Variants in MKNK2 observed in about 807,000 individuals in gnomAD.
The protein encoded by MKNK2 is MAP kinase-interacting serine/threonine-protein kinase 2.
MKNK2 carries 54 observed loss-of-function variants against 55.0 expected under a neutral mutation model. The ratio of observed to expected loss-of-function variants is 0.98; its 90% CI spans 0.79 to 1.23. The LOEUF (loss-of-function observed/expected upper bound fraction) is 1.23. Ranked by LOEUF, MKNK2 falls within the 50% of genes most tolerant of loss-of-function variation. MKNK2 has a pLI of 0.00. For synonymous variants in MKNK2, 323 were observed against 256.0 expected, an observed-to-expected ratio of 1.26 and a Z score of -2.50; for missense variants, 685 against 632.1, an observed-to-expected ratio of 1.08 and a Z score of -0.90.
At position 2,039,915 on chromosome 19, in the gene MKNK2, G is replaced by A. The variant is rs567667675; in HGVS notation, c.1155-59C>T. On this transcript the variant is annotated intron_variant, in intron 13 of 13. Coordinates refer to ENST00000250896, the MANE Select transcript of MKNK2 (RefSeq NM_199054.3). ...GAGGCACCCCTCAGGGGACCCCTGGGGTCTGTGAAGGCCCTGGGGGAAGGG... is the reference window on the plus strand; with the variant it reads ...GAGGCACCCCTCAGGGGACCCCTGGAGTCTGTGAAGGCCCTGGGGGAAGGG... 47 of 1,542,984 alleles carry A rather than the reference G, an allele frequency of 3.0e-5. No homozygotes were observed. The Admixed American group carries it at 8.0e-4, about 26-fold the overall frequency.
rs750858082 is a variant in MKNK2, at chr19:2,037,873, C to T, written c.*1740G>A. 9.7e-6 allele frequency: 15 copies of T among 1,544,644 alleles called. No homozygotes were observed. In the East Asian group the frequency reaches 3.4e-4, roughly 35 times the overall value. ...AAACAAACAAACAAACGCTGCTAGC[C>T]ACTCAGCTTTAGAGACCCGATGGCT... On this transcript the variant is annotated 3_prime_UTR_variant, in exon 14 of 14. Transcript: ENST00000250896.
chr19:2,048,028 G>T (rs536156792), intron 2 of MKNK2, among the ~76,000 whole-genome samples: 2 of 147,886 alleles, frequency 1.4e-5, no homozygotes, highest in African/African-American at 2.5e-5. Flanking sequence ...GTGCTGTACT[G>T]GTCCTGGGGG....
intron 11 of MKNK2, among the ~76,000 whole-genome samples, chr19:2,041,509 C>T (rs1035126119): frequency 2.6e-5 from 4 of 152,198 alleles, no homozygotes; most frequent in African/African-American, 9.7e-5. Context: ...CTCCACCTCT[C>T]AGCTCTCTGA....
chr19:2,038,852 G>A lies in MKNK2; in HGVS notation c.*761C>T. On this transcript the variant is annotated 3_prime_UTR_variant, in exon 14 of 14. Transcript: ENST00000250896. ...CTGCTGTCTCAGGCCTTGGTGTGGA[G>A]GGGAGGGGCAGCGGCGAGCCCCTGG... is the stretch of plus-strand genomic sequence containing the variant. 1 of 985,740 alleles carries A rather than the reference G, an allele frequency of 1.0e-6. No homozygotes were observed. Among genetic ancestry groups the A allele is most frequent in the Non-Finnish European group, 1.2e-6 (1 of 829,934 alleles). The allele number at this position is 985,740 out of a possible 1,614,324, so 61.1% of individuals were successfully genotyped here. A position where few individuals can be genotyped will look rare whatever the true frequency, so the allele number is the denominator to read the frequency against.
At position 2,041,836 on chromosome 19, in the gene MKNK2, G is replaced by C. The variant is rs1164045900; in HGVS notation, c.945+4C>G. 1.3e-6 allele frequency: 2 copies of C among 1,515,264 alleles called. No individual in the cohort carries two copies. The highest frequency in any genetic ancestry group is 8.8e-7 in the Non-Finnish European group (1 of 1,131,702). The allele number at this position is 1,515,264 out of a possible 1,614,324, so 93.9% of individuals were successfully genotyped here. A position where few individuals can be genotyped will look rare whatever the true frequency, so the allele number is the denominator to read the frequency against. On this transcript the variant is annotated splice_donor_region_variant and intron_variant, in intron 11 of 13. Transcript: ENST00000250896. Reference sequence around the variant, plus strand: ...AGGAGAGGAGGGTGCGCGGGCCGCCGCACCTGGCAGGCAGGGCAGGCCTCG... The same window carrying C: ...AGGAGAGGAGGGTGCGCGGGCCGCCCCACCTGGCAGGCAGGGCAGGCCTCG...
At chr19:2,042,146 G>A in intron 10 of MKNK2, 112 bp from the exon 11 acceptor site, 1 of 1,084,746 alleles carries the variant, frequency 9.2e-7, no homozygotes, top group Non-Finnish European at 1.3e-6. Context: ...GCCCCGCCGG[G>A]CCCGACCAAT....
chr19:2,042,111 A>C (rs1391310545), intron 10 of MKNK2, 77 bp from the exon 11 acceptor site: 1 of 1,335,880 alleles, frequency 7.5e-7, no homozygotes, highest in Non-Finnish European at 9.8e-7. Context: ...ACTGCGGGTC[A>C]CCTGCGCCAG....
chr19:2,046,399 C>T lies in MKNK2; in HGVS notation c.209G>A (p.Arg70Gln), dbSNP rs142517981. Residue 70 changes from arginine to glutamine, a missense_variant, in exon 4 of 14, where the codon CGG (arginine) becomes CAG (glutamine). Coordinates refer to ENST00000250896, the MANE Select transcript of MKNK2 (RefSeq NM_199054.3). ...KKRGKKKKRG[R>Q]ATDSFSGRFE... is the part of the protein sequence containing the mutation. ...CCTGCCCGAGAAGCTGTCGGTGGCC[C>T]GGCCGCGCTTCTTCTTCTTGCCCCT... 2.0e-5 allele frequency: 32 copies of T among 1,608,692 alleles called. No homozygotes were observed. The highest frequency in any genetic ancestry group is 8.8e-5 in the South Asian group (8 of 91,088).
chr19:2,046,276 GT>G lies in MKNK2; in HGVS notation c.248del (p.Tyr83SerfsTer22). 1.2e-6 allele frequency: 2 copies of G among 1,604,382 alleles called. No individual in the cohort carries two copies. The highest frequency in any genetic ancestry group is 1.7e-6 in the Non-Finnish European group (2 of 1,179,878). ...DSFSGRFEDV[Y>X]QLQEDVLGEG... is the part of the protein sequence containing the mutation. The stretch of plus-strand genomic sequence containing the variant: ...CCCCCAGCACATCTTCCTGCAGCTG[GT>G]AGACGTCTGCCGGGCAGCGGGGCGG... On this transcript the variant is annotated frameshift_variant, in exon 5 of 14. Coordinates refer to ENST00000250896, the MANE Select transcript of MKNK2 (RefSeq NM_199054.3). LOFTEE classifies it high-confidence loss of function.
chr19:2,049,717 C>T (rs999225280), intron 2 of MKNK2, among the ~76,000 whole-genome samples: 9 of 152,218 alleles, frequency 5.9e-5, no homozygotes, highest in African/African-American at 1.7e-4. Flanking sequence ...ACTGTCAGGT[C>T]CTCCTCTTTC....
chr19:2,042,878 GGGCAGGGCA>G lies in MKNK2; in HGVS notation c.494-17_494-9del. 4.5e-6 allele frequency: 7 copies of G among 1,554,230 alleles called. No homozygotes were observed. Among genetic ancestry groups the G allele is most frequent in the Non-Finnish European group, 6.1e-6 (7 of 1,148,872 alleles). ...TGTGGCTCAGGATGGAGCCTGGGCA[GGGCAGGGCA>G]GGGCAGGACAGGGGGAACACGCAGG... is the stretch of plus-strand genomic sequence containing the variant. On this transcript the variant is annotated splice_polypyrimidine_tract_variant and intron_variant, in intron 7 of 13. Coordinates refer to ENST00000250896, the MANE Select transcript of MKNK2 (RefSeq NM_199054.3).
Position 2,046,658 on chromosome 19 carries a change from C to T in MKNK2, c.85G>A (p.Asp29Asn), listed in dbSNP as rs771556720. The T allele has an allele frequency of 3.9e-6, 6 of 1,555,646 alleles. No homozygotes were observed. In the Admixed American group the frequency reaches 1.2e-4, roughly 32 times the overall value. Residue 29 changes from aspartate to asparagine, a missense_variant, in exon 3 of 14, where the codon GAC becomes AAC. Physicochemically the swap from Asp to Asn is conservative, Grantham distance 23. Transcript: ENST00000250896. ...QNPFELAFSLDQPDHGDSDFG... is the reference protein window; with the variant it reads ...QNPFELAFSLNQPDHGDSDFG... ...TCAGAGTCTCCGTGGTCGGGCTGGT[C>T]TAGGGAGAAGGCCAGCTCGAAGGGG...
chr19:2,041,212 C>T lies in MKNK2; in HGVS notation c.946-8G>A, dbSNP rs1425858129. 1.9e-6 allele frequency: 3 copies of T among 1,608,868 alleles called. No homozygotes were observed. Among genetic ancestry groups the T allele is most frequent in the Middle Eastern group, 1.7e-4 (1 of 6,056 alleles). On this transcript the variant is annotated splice_region_variant and splice_polypyrimidine_tract_variant and intron_variant, in intron 11 of 13. Coordinates refer to ENST00000250896, the MANE Select transcript of MKNK2 (RefSeq NM_199054.3). ...GCTCTCAAACAGCATGTTCTGGGGA[C>T]ATAGAACACAGGGGAGCTTAGACCT...
Position 2,046,133 on chromosome 19 carries a change from G to A in MKNK2, c.339+53C>T, listed in dbSNP as rs375295761. On this transcript the variant is annotated intron_variant, in intron 5 of 13. Transcript: ENST00000250896. ...AATGCCACACACTGTTTCCACCCCCGCTCAACACCGATCCCAAGGCGCTGG... is the reference window on the plus strand; with the variant it reads ...AATGCCACACACTGTTTCCACCCCCACTCAACACCGATCCCAAGGCGCTGG... The A allele has an allele frequency of 7.3e-4, 1,129 of 1,545,894 alleles. 8 individuals are homozygous for A. The African/African-American group carries it at 0.014, about 19-fold the overall frequency.
At position 2,038,051 on chromosome 19, in the gene MKNK2, G is replaced by A. The variant is rs1002519001; in HGVS notation, c.*1562C>T. 28 of 1,269,338 alleles carry A rather than the reference G, an allele frequency of 2.2e-5. No homozygotes were observed. The highest frequency in any genetic ancestry group is 2.8e-5 in the Non-Finnish European group (28 of 995,768). 78.6% of individuals were successfully genotyped at this position (1,269,338 alleles called of 1,614,324 possible). A position where few individuals can be genotyped will look rare whatever the true frequency, so the allele number is the denominator to read the frequency against. ...GCCCCACCCCCCCCAGGGGTCTTTG[G>A]AAGGGGCAGTCCACAGATATGGGCA... On this transcript the variant is annotated 3_prime_UTR_variant, in exon 14 of 14. Transcript: ENST00000250896.
rs748498645 is a variant in MKNK2, at chr19:2,038,473, T to C, written c.*1140A>G. The stretch of plus-strand genomic sequence containing the variant: ...TCCGCAGCCCCCGGGGGTTGGAGCA[T>C]GGAGGGTGGGGGGACTGAGCAGACC... On this transcript the variant is annotated 3_prime_UTR_variant, in exon 14 of 14. Transcript: ENST00000250896. 1.6e-5 allele frequency: 16 copies of C among 985,216 alleles called. No homozygotes were observed. The highest frequency in any genetic ancestry group is 1.9e-5 in the Non-Finnish European group (16 of 829,836). 61.0% of individuals were successfully genotyped at this position (985,216 alleles called of 1,614,324 possible).
chr19:2,038,646 C>G lies in MKNK2; in HGVS notation c.*967G>C, dbSNP rs2016806498. ...AAGGACAAGGACGGAGCTGACGGAG[C>G]TTCCAGGTCAGGCCCGAGGGGCGGC... On this transcript the variant is annotated 3_prime_UTR_variant, in exon 14 of 14. Coordinates refer to ENST00000250896, the MANE Select transcript of MKNK2 (RefSeq NM_199054.3). 1.0e-6 allele frequency: 1 copy of G among 985,498 alleles called. No homozygotes were observed. Among genetic ancestry groups the G allele is most frequent in the Non-Finnish European group, 1.2e-6 (1 of 830,040 alleles). The allele number at this position is 985,498 out of a possible 1,614,324, so 61.0% of individuals were successfully genotyped here. A position where few individuals can be genotyped will look rare whatever the true frequency, so the allele number is the denominator to read the frequency against.
chr19:2,049,014 C>G (rs1035717628), intron 2 of MKNK2, among the ~76,000 whole-genome samples: 2 of 152,154 alleles, frequency 1.3e-5, no homozygotes, highest in Non-Finnish European at 2.9e-5. Flanking sequence ...TGGGAGCTCA[C>G]GAGAGTGAAA....
At position 2,039,680 on chromosome 19, in the gene MKNK2, A is replaced by T; in HGVS notation, c.1331T>A (p.Leu444Gln). ...LQLSPPSQSKLAQRRQRASLS... is the reference protein window; with the variant it reads ...LQLSPPSQSKQAQRRQRASLS... ...ACTGGCCCTTTGCCGCCGCTGCGCC[A>T]GCTTGGACTGGGAGGGTGGAGACAG... Residue 444 changes from leucine to glutamine, a missense_variant, in exon 14 of 14, where the codon CTG becomes CAG. Transcript: ENST00000250896. The T allele has an allele frequency of 1.2e-6, 2 of 1,613,226 alleles. No individual in the cohort carries two copies. The highest frequency in any genetic ancestry group is 1.7e-6 in the Non-Finnish European group (2 of 1,179,962).
Sources: gnomAD v4.1 joint callset for allele counts (sites outside exome capture counted in the v4.1 genomes callset) on GRCh38, gnomAD v4.1.1 for gene constraint, MANE v1.5 for transcripts, NCBI Gene and HGNC (gene_info 2026-07-23, HGNC 2026-07-21) for gene names.